CBLL1: variants seen among roughly 807,000 people sequenced by gnomAD.
CBLL1 encodes E3 ubiquitin-protein ligase Hakai.
CBLL1 carries 4 observed loss-of-function variants against 44.9 expected under a neutral mutation model. The observed-to-expected ratio is 0.09, with a 90% CI of 0.04 to 0.20. CBLL1 has a LOEUF of 0.20. CBLL1 is among the 10% of genes least tolerant of loss of function. The pLI, the probability that CBLL1 is intolerant of heterozygous loss-of-function variation, is 1.00. For synonymous variants in CBLL1, 235 were observed against 202.2 expected (o/e 1.16, Z -1.38); for missense variants, 569 against 636.7 (o/e 0.89, Z 1.14).
intron 4 of CBLL1, among the ~76,000 whole-genome samples, chr7:107,755,022 A>C (rs1216351689): frequency 1.1e-4 from 16 of 152,152 alleles, no homozygotes; most frequent in Non-Finnish European, 1.5e-4. Context: ...GCTATTCTGG[A>C]GGCTGAGGTG....
At position 107,749,009 on chromosome 7, in the gene CBLL1, T is replaced by G; in HGVS notation, c.143T>G (p.Ile48Arg). ...AKPAPRTQRT[I>R]NRMPAKAPPG... ...CCTGCACCGCGAACTCAAAGAACTA[T>G]AAACAGGATGCCTGCAAAGGCTCCA... Residue 48 changes from isoleucine to arginine, a missense_variant, in exon 2 of 6, where the codon ATA (isoleucine) becomes AGA (arginine). By Grantham distance (97) the Ile-to-Arg change is moderately conservative (BLOSUM62 -3). Around this residue, in one of 5 missense-constraint regions of CBLL1, gnomAD observed 209 missense variants for 202.8 expected, o/e 1.03. Transcript: ENST00000440859. The G allele has an allele frequency of 6.2e-7, 1 of 1,614,198 alleles. No individual in the cohort carries two copies. Among genetic ancestry groups the G allele is most frequent in the Non-Finnish European group, 8.5e-7 (1 of 1,180,014 alleles).
rs1411801362 is a variant in CBLL1 at position 107,759,463 on chromosome 7, GAA to G, written c.*290_*291del. The G allele has an allele frequency of 1.5e-5, 4 of 274,900 alleles. No individual in the cohort carries two copies. The highest frequency in any genetic ancestry group is 1.4e-5 in the Non-Finnish European group (2 of 146,998). The allele number at this position is 274,900 out of a possible 1,614,324, so 17.0% of individuals were successfully genotyped here. A position where few individuals can be genotyped will look rare whatever the true frequency, so the allele number is the denominator to read the frequency against. ...AGAGGTGACCATTTGTAAAAAATTT[GAA>G]AAAATTTTTCATTGTTTTACTTCAA... On this transcript the variant is annotated 3_prime_UTR_variant, in exon 6 of 6. Transcript: ENST00000440859.
chr7:107,752,388 C>T (rs1249978966), intron 2 of CBLL1, among the ~76,000 whole-genome samples: 3 of 151,936 alleles, frequency 2.0e-5, no homozygotes, highest in Non-Finnish European at 4.4e-5. Context: ...ACTGAAGTGT[C>T]TATCAGCTTC....
intron 1 of CBLL1, chr7:107,744,924 A>G (rs1290883669): frequency 2.6e-5 from 4 of 152,222 alleles, no homozygotes; most frequent in Non-Finnish European, 4.4e-5. Context: ...TCTTGGAGTT[A>G]TGTGCCCCAT....
intron 2 of CBLL1, among the ~76,000 whole-genome samples, chr7:107,752,351 G>A (rs931055034): frequency 1.3e-5 from 2 of 152,060 alleles, no homozygotes; most frequent in African/African-American, 2.4e-5. Flanking sequence ...TTATACATTC[G>A]TATTGGCAGT....
chr7:107,757,867 A>G (rs565659641), intron 5 of CBLL1, among the ~76,000 whole-genome samples: 1 of 152,214 alleles, frequency 6.6e-6, no homozygotes, highest in Non-Finnish European at 1.5e-5. Flanking sequence ...AGAAAACTGG[A>G]TAAATTCTAG....
chr7:107,757,188 T>C (rs1322180248), intron 5 of CBLL1, among the ~76,000 whole-genome samples: 1 of 152,184 alleles, frequency 6.6e-6, no homozygotes, highest in African/African-American at 2.4e-5. Flanking sequence ...TACACACACA[T>C]ATATTTATAT....
chr7:107,748,689 GGTTAAAAAGCAT>G (rs1438623033), intron 1 of CBLL1, among the ~76,000 whole-genome samples, 179 bp from the exon 2 acceptor site: 2 of 151,978 alleles, frequency 1.3e-5, no homozygotes, highest in African/African-American at 4.8e-5. Flanking sequence ...TCTCAAAAGG[GGTTAAAAAGCAT>G]TGCCTTAAGT....
At chr7:107,752,814 G>T (rs902512244) in intron 2 of CBLL1, among the ~76,000 whole-genome samples, 4 of 152,172 alleles carry the variant, frequency 2.6e-5, no homozygotes, top group Non-Finnish European at 5.9e-5. Context: ...TATGGCTCCT[G>T]TTGTTTGGGT....
At chr7:107,747,555 G>C (rs1793079403) in intron 1 of CBLL1, among the ~76,000 whole-genome samples, 1 of 152,146 alleles carries the variant, frequency 6.6e-6, no homozygotes, top group African/African-American at 2.4e-5. Flanking sequence ...ACATTAATCA[G>C]CTTGTGAGTC....
chr7:107,749,938 T>A (rs4576363), intron 2 of CBLL1, among the ~76,000 whole-genome samples: 52,740 of 150,236 alleles, frequency 0.35, 9,983 homozygotes, highest in African/African-American at 0.5. Flanking sequence ...GTATATATAT[T>A]TTTTTGTTTG....
At chr7:107,754,036 G>T in intron 4 of CBLL1, 58 bp downstream of exon 4, 1 of 1,071,278 alleles carries the variant, frequency 9.3e-7, no homozygotes, top group South Asian at 1.6e-5. Context: ...GTGGGGTTCT[G>T]AAATTTAGAT....
At chr7:107,745,912 C>A (rs1272734731) in intron 1 of CBLL1, among the ~76,000 whole-genome samples, 5 of 152,136 alleles carry the variant, frequency 3.3e-5, no homozygotes, top group African/African-American at 4.8e-5. Context: ...ACTACTGAGA[C>A]ACAGGAGAGA....
At chr7:107,754,030 G>A in intron 4 of CBLL1, 52 bp downstream of exon 4, 1 of 1,185,578 alleles carries the variant, frequency 8.4e-7, no homozygotes, top group Non-Finnish European at 1.2e-6. Flanking sequence ...ATAGAGGTGG[G>A]GTTCTGAAAT....
At chr7:107,756,318 C>T (rs954542610) in intron 5 of CBLL1, among the ~76,000 whole-genome samples, 20 of 152,048 alleles carry the variant, frequency 1.3e-4, no homozygotes, top group African/African-American at 4.8e-4. Context: ...CAATGATTCC[C>T]TTTTATGGTG....
intron 2 of CBLL1, among the ~76,000 whole-genome samples, chr7:107,750,856 T>TGTG (rs1562861172): frequency 1.3e-4 from 19 of 151,936 alleles, no homozygotes; most frequent in African/African-American, 4.6e-4. Context: ...AGTTGAGTAA[T>TGTG]TGTGATTGAG....
Position 107,753,394 on chromosome 7 carries a change from T to C in CBLL1, c.182-17T>C, listed in dbSNP as rs1793391089. 6.6e-7 allele frequency: 1 copy of C among 1,513,050 alleles called. No individual in the cohort carries two copies. Among genetic ancestry groups the C allele is most frequent in the Non-Finnish European group, 9.0e-7 (1 of 1,113,376 alleles). The allele number at this position is 1,513,050 out of a possible 1,614,324, so 93.7% of individuals were successfully genotyped here. A position where few individuals can be genotyped will look rare whatever the true frequency, so the allele number is the denominator to read the frequency against. ...TGAGATTTGGAAAGTTAATGGGCAA[T>C]ACTTTTTTTTTCTCAGAAGGATTTG... On this transcript the variant is annotated splice_polypyrimidine_tract_variant and intron_variant, in intron 2 of 5. Coordinates refer to ENST00000440859, the MANE Select transcript of CBLL1 (RefSeq NM_024814.4).
chr7:107,744,258 A>T (rs915004726), intron 1 of CBLL1, 82 bp downstream of exon 1: 30 of 1,437,176 alleles, frequency 2.1e-5, no homozygotes, highest in Non-Finnish European at 2.8e-5. Context: ...GGCAAAAGGG[A>T]TTATGCTCGC....
intron 4 of CBLL1, 184 bp downstream of exon 4, chr7:107,754,162 T>G (rs1793430315): frequency 2.8e-6 from 1 of 358,650 alleles, no homozygotes; most frequent in Non-Finnish European, 5.0e-6. Context: ...ATTGTTGAAT[T>G]CTTATAAAAT....
Sources: allele counts gnomAD v4.1 joint callset (sites outside exome capture counted in the v4.1 genomes callset), GRCh38; gene constraint gnomAD v4.1.1; regional missense constraint gnomAD v4.1.1; transcripts MANE v1.5; gene names NCBI Gene and HGNC (gene_info 2026-07-23, HGNC 2026-07-21).